The following CCSER1 variants were observed in gnomAD, a reference collection of about 807,000 sequenced individuals.
The protein encoded by CCSER1 is coiled-coil serine rich protein 1, also known as serine-rich coiled-coil domain-containing protein 1.
CCSER1 carries 41 observed loss-of-function variants against 82.0 expected under a neutral mutation model. That is an observed-to-expected ratio of 0.50 (90% CI 0.39 to 0.65). The LOEUF (loss-of-function observed/expected upper bound fraction) is 0.65. CCSER1 is among the 30% of genes least tolerant of loss of function. The probability of loss-of-function intolerance (pLI) is 0.00; values close to 1 mark genes in which losing one functional copy is unlikely to be tolerated. For synonymous variants in CCSER1, 414 were observed against 383.9 expected (o/e 1.08, Z -0.92); for missense variants, 1,119 against 1,064.2 (o/e 1.05, Z -0.72).
chr4:90,293,243 A>G (rs1455390777), intron 1 of CCSER1, among the ~76,000 whole-genome samples: 1 of 151,700 alleles, frequency 6.6e-6, no homozygotes, highest in African/African-American at 2.4e-5. Flanking sequence ...ATTTGAATTG[A>G]TATATATATG....
intron 2 of CCSER1, among the ~76,000 whole-genome samples, chr4:90,311,895 A>T (rs1284823193): frequency 2.0e-5 from 3 of 152,180 alleles, no homozygotes; most frequent in Non-Finnish European, 4.4e-5. Context: ...GGCACTAGGG[A>T]TGTAGCAATA....
chr4:90,310,947 T>C (rs1041972745), intron 2 of CCSER1, among the ~76,000 whole-genome samples: 5 of 152,092 alleles, frequency 3.3e-5, no homozygotes, highest in Non-Finnish European at 7.4e-5. Flanking sequence ...TTTGGAACTT[T>C]GTATTCTTTA....
chr4:90,744,494 A>G (rs1747081044), intron 7 of CCSER1, among the ~76,000 whole-genome samples: 1 of 152,234 alleles, frequency 6.6e-6, no homozygotes, highest in African/African-American at 2.4e-5. Flanking sequence ...TACTTCTTAT[A>G]TAATACACTA....
chr4:91,402,033 C>G (rs1752373234), intron 10 of CCSER1, among the ~76,000 whole-genome samples: 1 of 152,166 alleles, frequency 6.6e-6, no homozygotes, highest in Non-Finnish European at 1.5e-5. Flanking sequence ...AAAAGTGTTC[C>G]TATTTCTCCA....
chr4:91,036,062 T>C (rs536900595), intron 9 of CCSER1, among the ~76,000 whole-genome samples: 115 of 152,124 alleles, frequency 7.6e-4, no homozygotes, highest in Non-Finnish European at 1.2e-3. Flanking sequence ...TATCTGAAAA[T>C]ATGTTTGTGT....
chr4:91,160,380 C>G (rs987233991), intron 10 of CCSER1, among the ~76,000 whole-genome samples: 20 of 152,178 alleles, frequency 1.3e-4, no homozygotes, highest in African/African-American at 3.9e-4. Context: ...CTTTATAGTA[C>G]CATGATTTAT....
At chr4:90,932,962 GAAAGAAAGAAAGAAAGAAAGAGAAAGAA>G (rs1730162945) in intron 9 of CCSER1, among the ~76,000 whole-genome samples, 12 of 34,820 alleles carry the variant, frequency 3.4e-4, no homozygotes, top group South Asian at 7.1e-4. Flanking sequence ...AAGAAAGAAA[GAAAGAAAGAAAGAAAGAAAGAGAAAGAA>G]AGAAAGAAAG....
In CCSER1 at chr4:90,818,434, TGCC is replaced by T. The variant is rs1759317992; in HGVS notation, c.2094+2590_2094+2592del. On this transcript the variant is annotated intron_variant, in intron 8 of 10. Transcript: ENST00000509176. ...CTGGGACCACAGGCACACGCCACAG[TGCC>T]CGGCTAATTTTTGTATTTTTAGTAG... 7.2e-5 allele frequency among the ~76,000 whole-genome samples: 11 copies of T among 152,102 alleles called. No homozygotes were observed. The South Asian group carries it at 2.3e-3, about 32-fold the overall frequency.
intron 1 of CCSER1, among the ~76,000 whole-genome samples, chr4:90,299,163 C>A (rs1345631747): frequency 6.6e-6 from 1 of 152,100 alleles, no homozygotes; most frequent in Non-Finnish European, 1.5e-5. Flanking sequence ...AGAATAATTT[C>A]TTTCAAATGT....
intron 9 of CCSER1, among the ~76,000 whole-genome samples, chr4:91,030,786 T>C (rs1156231360): frequency 6.7e-6 from 1 of 150,228 alleles, no homozygotes; most frequent in Non-Finnish European, 1.5e-5. Context: ...CTCTTTTTTT[T>C]CATCTGTAAA....
chr4:90,902,039 A>G (rs1241973321), intron 8 of CCSER1, among the ~76,000 whole-genome samples: 2 of 151,794 alleles, frequency 1.3e-5, no homozygotes, highest in African/African-American at 4.8e-5. Flanking sequence ...GGCTTCCAAT[A>G]TCTAAAATTC....
chr4:90,956,944 CTTT>C (rs35180536), intron 9 of CCSER1, among the ~76,000 whole-genome samples: 1 of 129,336 alleles, frequency 7.7e-6, no homozygotes. Flanking sequence ...CACAACCAGC[CTTT>C]TTTTTTTTTT....
chr4:91,061,882 C>A (rs1183496994), intron 9 of CCSER1, among the ~76,000 whole-genome samples: 1 of 151,866 alleles, frequency 6.6e-6, no homozygotes, highest in Non-Finnish European at 1.5e-5. Flanking sequence ...TAAGTAGAGA[C>A]AAAGAAAATT....
chr4:90,994,710 C>T (rs959833946), intron 9 of CCSER1, among the ~76,000 whole-genome samples: 5 of 152,122 alleles, frequency 3.3e-5, no homozygotes, highest in African/African-American at 1.2e-4. Context: ...ATGGTTCTGA[C>T]CAATATGCTA....
chr4:90,704,241 T>G (rs1738809138), intron 6 of CCSER1, among the ~76,000 whole-genome samples: 1 of 152,212 alleles, frequency 6.6e-6, no homozygotes, highest in African/African-American at 2.4e-5. Flanking sequence ...GAAGCTTAGT[T>G]TGGCTGGATA....
Position 91,282,396 on chromosome 4 carries a change from A to G in CCSER1, c.2217+196402A>G, listed in dbSNP as rs564783177. ...ATTCAATGCTTGTTCGGGGCGAATG[A>G]CTGATGGGGTTGGTGCTAACAACCT... On this transcript the variant is annotated intron_variant, in intron 10 of 10. Transcript: ENST00000509176. Among the ~76,000 whole-genome samples, 64 of 152,288 alleles carry G rather than the reference A, an allele frequency of 4.2e-4. No individual in the cohort carries two copies. The South Asian group carries it at 0.013, about 31-fold the overall frequency.
intron 5 of CCSER1, among the ~76,000 whole-genome samples, chr4:90,601,665 T>G (rs899679459): frequency 1.3e-5 from 2 of 151,938 alleles, no homozygotes; most frequent in African/African-American, 4.8e-5. Flanking sequence ...AGACCTTATT[T>G]TTTATTTATC....
intron 10 of CCSER1, among the ~76,000 whole-genome samples, chr4:91,350,566 G>A (rs963028997): frequency 2.0e-5 from 3 of 151,992 alleles, no homozygotes; most frequent in Non-Finnish European, 4.4e-5. Flanking sequence ...GGCATTCACA[G>A]ATATTTTTCT....
At chr4:90,684,696 C>T (rs1734486602) in intron 6 of CCSER1, among the ~76,000 whole-genome samples, 1 of 152,154 alleles carries the variant, frequency 6.6e-6, no homozygotes, top group Non-Finnish European at 1.5e-5. Context: ...ACCTAAATCT[C>T]ACCTTGAATT....
Sources: gnomAD v4.1 joint callset for allele counts (sites outside exome capture counted in the v4.1 genomes callset) on GRCh38, gnomAD v4.1.1 for gene constraint, MANE v1.5 for transcripts, NCBI Gene and HGNC (gene_info 2026-07-23, HGNC 2026-07-21) for gene names.